Variants in HMGCLL1 observed in about 807,000 individuals in gnomAD.
HMGCLL1 encodes 3-hydroxymethyl-3-methylglutaryl-CoA lyase, cytoplasmic.
In HMGCLL1, 36 loss-of-function variants were observed where a neutral mutation model predicts 39.1. That is an observed-to-expected ratio of 0.92 (90% CI 0.71 to 1.22). The LOEUF (loss-of-function observed/expected upper bound fraction) is 1.22. Ranked by LOEUF, HMGCLL1 falls within the 50% of genes most tolerant of loss-of-function variation. HMGCLL1 has a pLI of 0.00. For synonymous variants in HMGCLL1, 149 were observed against 144.0 expected, an observed-to-expected ratio of 1.03 and a Z score of -0.25; for missense variants, 451 against 416.5, an observed-to-expected ratio of 1.08 and a Z score of -0.72.
chr6:55,662,038 C>T, the HMGCLL1 span, among the ~76,000 whole-genome samples: 1 of 151,662 alleles, frequency 6.6e-6, no homozygotes, highest in Non-Finnish European at 1.5e-5. Flanking sequence ...TGTTGATTTT[C>T]TATCCTGAAA....
At chr6:55,555,746 T>C (rs1221318903) in intron 1 of HMGCLL1, among the ~76,000 whole-genome samples, 3 of 152,188 alleles carry the variant, frequency 2.0e-5, no homozygotes, top group Non-Finnish European at 2.9e-5. Context: ...GGAAGACAAA[T>C]AGAATCATTA....
chr6:55,609,861 T>C, the HMGCLL1 span, among the ~76,000 whole-genome samples: 1 of 152,050 alleles, frequency 6.6e-6, no homozygotes, highest in Non-Finnish European at 1.5e-5. Flanking sequence ...CCTCCTTAAG[T>C]GACATCTCTA....
chr6:55,603,698 A>G, the HMGCLL1 span, among the ~76,000 whole-genome samples: 1 of 152,114 alleles, frequency 6.6e-6, no homozygotes, highest in African/African-American at 2.4e-5. Flanking sequence ...CTTTTCTTAC[A>G]TCTCACCAGT....
chr6:55,604,594 T>C, the HMGCLL1 span, among the ~76,000 whole-genome samples: 1 of 152,122 alleles, frequency 6.6e-6, no homozygotes, highest in Admixed American at 6.6e-5. Context: ...TGAAAAACAA[T>C]GGAATTTTCA....
the HMGCLL1 span, among the ~76,000 whole-genome samples, chr6:55,611,248 T>A: frequency 6.6e-6 from 1 of 152,188 alleles, no homozygotes; most frequent in African/African-American, 2.4e-5. Flanking sequence ...ATCTCTGGAA[T>A]GCAGTTAGAA....
intron 7 of HMGCLL1, among the ~76,000 whole-genome samples, chr6:55,455,338 G>A (rs983567717): frequency 2.6e-5 from 4 of 151,470 alleles, no homozygotes; most frequent in East Asian, 2.0e-4. Context: ...CTTGGAGGAA[G>A]AGGGAAGGCT....
chr6:55,662,923 G>A, the HMGCLL1 span, among the ~76,000 whole-genome samples: 1 of 151,682 alleles, frequency 6.6e-6, no homozygotes, highest in Non-Finnish European at 1.5e-5. Context: ...TTGGGAAGGG[G>A]TATGTGTCCA....
chr6:55,653,934 T>C, the HMGCLL1 span, among the ~76,000 whole-genome samples: 5 of 152,054 alleles, frequency 3.3e-5, no homozygotes, highest in Non-Finnish European at 5.9e-5. Flanking sequence ...AGAAGTTTCA[T>C]ATCCCAAAAT....
intron 7 of HMGCLL1, among the ~76,000 whole-genome samples, chr6:55,464,945 C>T (rs148306852): frequency 1.5e-3 from 234 of 152,222 alleles, no homozygotes; most frequent in African/African-American, 5.3e-3. Flanking sequence ...TCAACTTTCA[C>T]GAACAAGACG....
intron 1 of HMGCLL1, among the ~76,000 whole-genome samples, chr6:55,571,415 A>ATATAAGTACTGATTTAAT (rs1200389860): frequency 6.6e-6 from 1 of 152,200 alleles, no homozygotes; most frequent in Non-Finnish European, 1.5e-5. Context: ...TTAAATATAA[A>ATATAAGTACTGATTTAAT]ATAAGAATGC....
intron 3 of HMGCLL1, among the ~76,000 whole-genome samples, chr6:55,536,123 G>A (rs1418601014): frequency 2.0e-5 from 3 of 152,056 alleles, no homozygotes; most frequent in East Asian, 1.9e-4. Context: ...TAATTTACTC[G>A]TTCCTTCTTG....
chr6:55,656,657 T>C, the HMGCLL1 span, among the ~76,000 whole-genome samples: 1 of 152,108 alleles, frequency 6.6e-6, no homozygotes, highest in South Asian at 2.1e-4. Context: ...CAGTAAATAA[T>C]GCCCACTGAA....
chr6:55,677,881 T>C, the HMGCLL1 span, among the ~76,000 whole-genome samples: 5 of 152,246 alleles, frequency 3.3e-5, no homozygotes, highest in African/African-American at 1.2e-4. Flanking sequence ...TTGTATTTTA[T>C]GCATCTTGGC....
At chr6:55,559,303 T>G (rs140067686) in intron 1 of HMGCLL1, among the ~76,000 whole-genome samples, 1 of 152,330 alleles carries the variant, frequency 6.6e-6, no homozygotes, top group African/African-American at 2.4e-5. Context: ...TTGCTTAACA[T>G]TTCCTTATAA....
At chr6:55,439,262 A>G (rs571958506) in intron 8 of HMGCLL1, among the ~76,000 whole-genome samples, 172 bp downstream of exon 8, 1 of 152,262 alleles carries the variant, frequency 6.6e-6, no homozygotes, top group South Asian at 2.1e-4. Context: ...GCAATGAGTT[A>G]CTTTATAAAG....
chr6:55,449,321 T>G (rs1763982692), intron 7 of HMGCLL1, among the ~76,000 whole-genome samples: 1 of 152,202 alleles, frequency 6.6e-6, no homozygotes, highest in African/African-American at 2.4e-5. Flanking sequence ...CCAGTCTTCT[T>G]AGAGACTACA....
intron 1 of HMGCLL1, among the ~76,000 whole-genome samples, chr6:55,564,526 A>G (rs1051006524): frequency 2.0e-5 from 3 of 152,098 alleles, no homozygotes; most frequent in Non-Finnish European, 4.4e-5. Flanking sequence ...ATGGCTTCAG[A>G]TGGTCTCTTA....
chr6:55,594,096 T>C, the HMGCLL1 span, among the ~76,000 whole-genome samples: 1 of 152,188 alleles, frequency 6.6e-6, no homozygotes, highest in Admixed American at 6.5e-5. Flanking sequence ...ATATATTCGG[T>C]CTCAAAATTG....
chr6:55,582,106 C>T (rs1561976182), upstream of HMGCLL1, among the ~76,000 whole-genome samples: 1 of 152,114 alleles, frequency 6.6e-6, no homozygotes, highest in Non-Finnish European at 1.5e-5. Flanking sequence ...CACCATAATG[C>T]AGTGGGGAAG....
Sources: gnomAD v4.1 joint callset for allele counts (sites outside exome capture counted in the v4.1 genomes callset) on GRCh38, gnomAD v4.1.1 for gene constraint, MANE v1.5 for transcripts, NCBI Gene and HGNC (gene_info 2026-07-23, HGNC 2026-07-21) for gene names.